PTP4A3: variants seen among roughly 807,000 people sequenced by gnomAD.
The protein encoded by PTP4A3 is protein tyrosine phosphatase type IVA 3.
PTP4A3 carries 9 observed loss-of-function variants against 15.2 expected under a neutral mutation model. The observed-to-expected ratio is 0.59, with a 90% CI of 0.36 to 1.03. The LOEUF is 1.03. Ranked by LOEUF, PTP4A3 falls within the 50% of genes least tolerant of loss-of-function variation. PTP4A3 has a pLI of 0.02. For missense variants in PTP4A3, 234 were observed against 252.1 expected (o/e 0.93, Z 0.49); for synonymous variants, 95 against 102.0 (o/e 0.93, Z 0.41).
intron 1 of PTP4A3, among the ~76,000 whole-genome samples, chr8:141,418,226 C>T (rs56008427): frequency 0.23 from 35,462 of 152,168 alleles, 5,074 homozygotes; most frequent in African/African-American, 0.4. Flanking sequence ...GCGCAGCTTA[C>T]TTCTCCTGAG....
rs566873093 is a variant in PTP4A3, at chr8:141,426,005, A to G, written c.198+865A>G. Among the ~76,000 whole-genome samples the G allele has an allele frequency of 4.1e-3, 622 of 152,286 alleles. 2 individuals carry two copies. The highest frequency in any genetic ancestry group is 9.3e-3 in the South Asian group (45 of 4,828). ...GCAAAGGCATGTCCCCGCTTCTCGC[A>G]CGGGGTGCGCCCACACCCTCCCTCC... On this transcript the variant is annotated intron_variant, in intron 3 of 5. Transcript: ENST00000521578.
intron 1 of PTP4A3, among the ~76,000 whole-genome samples, chr8:141,402,389 T>C (rs1832615128): frequency 1.3e-5 from 2 of 152,110 alleles, no homozygotes; most frequent in Admixed American, 6.5e-5. Flanking sequence ...GGGTTTCCAC[T>C]CCACAGGATG....
intron 1 of PTP4A3, among the ~76,000 whole-genome samples, chr8:141,420,326 A>G (rs1179596641): frequency 6.6e-6 from 1 of 152,144 alleles, no homozygotes; most frequent in Non-Finnish European, 1.5e-5. Flanking sequence ...CAGTGCCCAA[A>G]TACAGCTTGG....
Position 141,425,196 on chromosome 8 carries a change from C to CGGGGGGGGGTGGGGGGGGG in PTP4A3, c.198+62_198+63insGGGTGGGGGGGGGGGGGGG. The CGGGGGGGGGTGGGGGGGGG allele has an allele frequency of 5.8e-5, 21 of 361,454 alleles. No individual in the cohort carries two copies. Among genetic ancestry groups the CGGGGGGGGGTGGGGGGGGG allele is most frequent in the East Asian group, 1.3e-4 (2 of 14,864 alleles). 22.4% of individuals were successfully genotyped at this position (361,454 alleles called of 1,614,324 possible). A position where few individuals can be genotyped will look rare whatever the true frequency, so the allele number is the denominator to read the frequency against. ...CTGCTGCCACCGGGGGAGGGTGGGG[C>CGGGGGGGGGTGGGGGGGGG]GGGGGGCTCCGGGCCTGCGCAGAGG... is the stretch of plus-strand genomic sequence containing the variant. On this transcript the variant is annotated intron_variant, in intron 3 of 5. Transcript: ENST00000521578. This position sits in a 1 kb window ranked among gnomAD's most constrained non-coding sequence, Gnocchi z 4.2.
Position 141,425,189 on chromosome 8 carries a change from G to A in PTP4A3, c.198+49G>A, listed in dbSNP as rs1833512134. 1.4e-6 allele frequency: 2 copies of A among 1,440,900 alleles called. No homozygotes were observed. The highest frequency in any genetic ancestry group is 1.4e-5 in the African/African-American group (1 of 71,314). The allele number at this position is 1,440,900 out of a possible 1,614,324, so 89.3% of individuals were successfully genotyped here. Reference sequence around the variant, plus strand: ...CTAGTCACTGCTGCCACCGGGGGAGGGTGGGGCGGGGGGCTCCGGGCCTGC... The same window carrying A: ...CTAGTCACTGCTGCCACCGGGGGAGAGTGGGGCGGGGGGCTCCGGGCCTGC... On this transcript the variant is annotated intron_variant, in intron 3 of 5. Coordinates refer to ENST00000521578, the MANE Select transcript of PTP4A3 (RefSeq NM_032611.3). The surrounding 1 kb of genome is among the most constrained non-coding windows in gnomAD (Gnocchi z 4.2).
At chr8:141,424,906 C>T (rs911977225) in intron 2 of PTP4A3, 142 bp from the exon 3 acceptor site, 104 of 691,232 alleles carry the variant, frequency 1.5e-4, no homozygotes, top group East Asian at 6.2e-4. Context: ...GGCTCCACCC[C>T]GAGAGGTCTG....
chr8:141,422,585 G>GACA (rs1833387234), intron 2 of PTP4A3, among the ~76,000 whole-genome samples: 4 of 152,288 alleles, frequency 2.6e-5, no homozygotes, highest in Middle Eastern at 3.4e-3. Context: ...CCTGCAGGGG[G>GACA]CTGGCGTGTG....
intron 1 of PTP4A3, among the ~76,000 whole-genome samples, chr8:141,411,013 G>A (rs1022790710): frequency 2.0e-5 from 3 of 152,210 alleles, no homozygotes; most frequent in Non-Finnish European, 4.4e-5. Flanking sequence ...TGGAGCCTGA[G>A]TCAGTGCTGG....
intron 1 of PTP4A3, among the ~76,000 whole-genome samples, chr8:141,414,465 G>C (rs563636477): frequency 1.3e-5 from 2 of 152,272 alleles, no homozygotes; most frequent in South Asian, 2.1e-4. Context: ...GCCCGGTAGG[G>C]AGAGAGAAGG....
At chr8:141,411,008 C>A (rs75324663) in intron 1 of PTP4A3, among the ~76,000 whole-genome samples, 3 of 152,120 alleles carry the variant, frequency 2.0e-5, no homozygotes, top group Admixed American at 6.5e-5. Flanking sequence ...GTAGATGGAG[C>A]CTGAGTCAGT....
intron 1 of PTP4A3, among the ~76,000 whole-genome samples, chr8:141,401,048 G>T (rs755040025): frequency 6.6e-6 from 1 of 152,104 alleles, no homozygotes; most frequent in Non-Finnish European, 1.5e-5. Context: ...AGGACCTGAC[G>T]GAACGGCATC....
chr8:141,430,205 G>A (rs1229162877), intron 5 of PTP4A3, among the ~76,000 whole-genome samples: 2 of 149,622 alleles, frequency 1.3e-5, no homozygotes, highest in African/African-American at 5.0e-5. Context: ...AGGTGGCGGG[G>A]ACAGGGTGAG....
rs770498240 is a variant in PTP4A3, at chr8:141,431,448, G to A, written c.*404G>A. On this transcript the variant is annotated 3_prime_UTR_variant, in exon 6 of 6. Transcript: ENST00000521578. ...CGACCCCTTGTCCTGACCTGTTCTC[G>A]GCACCTTAAATTATTAGACCCCGGG... The A allele has an allele frequency of 1.6e-5, 3 of 186,040 alleles. No individual in the cohort carries two copies. Among genetic ancestry groups the A allele is most frequent in the Admixed American group, 6.1e-5 (1 of 16,492 alleles). 11.5% of individuals were successfully genotyped at this position (186,040 alleles called of 1,614,324 possible). A position where few individuals can be genotyped will look rare whatever the true frequency, so the allele number is the denominator to read the frequency against.
chr8:141,415,308 C>T (rs1411680041), intron 1 of PTP4A3, among the ~76,000 whole-genome samples: 4 of 152,000 alleles, frequency 2.6e-5, no homozygotes, highest in African/African-American at 9.7e-5. Context: ...AGCCCCCAGT[C>T]TTTCCCCACC....
At chr8:141,428,314 G>C (rs1348304207) in intron 5 of PTP4A3, among the ~76,000 whole-genome samples, 1 of 151,626 alleles carries the variant, frequency 6.6e-6, no homozygotes, top group African/African-American at 2.4e-5. Context: ...CTCCTTAGAG[G>C]CTTCTAGGCC....
At chr8:141,396,823 G>A (rs1285658024) in intron 1 of PTP4A3, among the ~76,000 whole-genome samples, 1 of 152,218 alleles carries the variant, frequency 6.6e-6, no homozygotes, top group Non-Finnish European at 1.5e-5. Context: ...GGCTGCATGT[G>A]TGGAGCCGAC....
At chr8:141,419,832 GC>G (rs1037188765) in intron 1 of PTP4A3, among the ~76,000 whole-genome samples, 5 of 152,278 alleles carry the variant, frequency 3.3e-5, no homozygotes, top group African/African-American at 1.2e-4. Context: ...GCCCGCCTTG[GC>G]CTCCCAAAAT....
intron 2 of PTP4A3, 65 bp from the exon 3 acceptor site, chr8:141,424,983 G>C (rs1833499635): frequency 7.2e-7 from 1 of 1,379,852 alleles, no homozygotes; most frequent in African/African-American, 1.4e-5. Flanking sequence ...CCTGGTGAGT[G>C]GGTCCTGCCC....
At chr8:141,422,521 G>T (rs1833383466) in intron 2 of PTP4A3, among the ~76,000 whole-genome samples, 176 bp downstream of exon 2, 1 of 152,128 alleles carries the variant, frequency 6.6e-6, no homozygotes, top group East Asian at 1.9e-4. Context: ...AGATGGGGGT[G>T]CCCCGGGGGT....
Sources: gnomAD v4.1 joint callset for allele counts (sites outside exome capture counted in the v4.1 genomes callset) on GRCh38, gnomAD v4.1.1 for gene constraint, Gnocchi (gnomAD v3.1) non-coding constraint, MANE v1.5 for transcripts, NCBI Gene and HGNC (gene_info 2026-07-23, HGNC 2026-07-21) for gene names.